Variants in OR1L8 observed in about 807,000 individuals in gnomAD.
OR1L8 encodes the protein olfactory receptor family 1 subfamily L member 8.
For synonymous variants in OR1L8, 148 were observed against 147.0 expected (o/e 1.01, Z -0.05); for missense variants, 330 against 377.4 (o/e 0.87, Z 1.04).
At position 122,567,414 on chromosome 9, in the gene OR1L8, G is replaced by A; in HGVS notation, c.*134C>T. On this transcript the variant is annotated 3_prime_UTR_variant, in exon 5 of 5. Coordinates refer to ENST00000641027, the MANE Select transcript of OR1L8 (RefSeq NM_001004454.2). The stretch of plus-strand genomic sequence containing the variant: ...GTTGGGTCATCATCAATGGATGTAA[G>A]TGCCCACAATAGCCTTGTCTCACAT... The A allele has an allele frequency of 6.5e-6, 4 of 618,034 alleles. No individual in the cohort carries two copies. In the South Asian group the frequency reaches 6.9e-5, roughly 11 times the overall value. The allele number at this position is 618,034 out of a possible 1,614,324, so 38.3% of individuals were successfully genotyped here.
the OR1L8 span, among the ~76,000 whole-genome samples, chr9:122,552,921 C>T: frequency 3.9e-5 from 6 of 152,048 alleles, no homozygotes; most frequent in East Asian, 1.2e-3. Flanking sequence ...TAGCCCATGC[C>T]AATTTCTCTG....
downstream of OR1L8, among the ~76,000 whole-genome samples, chr9:122,563,181 G>GTTTT (rs1394601999): frequency 1.1e-5 from 1 of 90,206 alleles, no homozygotes; most frequent in African/African-American, 4.5e-5. Flanking sequence ...ACTAGCATTT[G>GTTTT]TTATTTTTTT....
At chr9:122,553,046 C>T in the OR1L8 span, 1 of 722,130 alleles carries the variant, frequency 1.4e-6, no homozygotes, top group Non-Finnish European at 2.4e-6. Flanking sequence ...TCCTTGCATT[C>T]CCAGTGAGAT....
chr9:122,554,993 ATAT>A, the OR1L8 span, among the ~76,000 whole-genome samples: 2,930 of 152,278 alleles, frequency 0.019, 87 homozygotes, highest in African/African-American at 0.066. Flanking sequence ...GTGGAAACTG[ATAT>A]TATGAGAAGT....
intron 1 of OR1L8, among the ~76,000 whole-genome samples, chr9:122,579,772 T>C (rs1473020154): frequency 1.3e-5 from 2 of 152,000 alleles, no homozygotes; most frequent in African/African-American, 4.8e-5. Flanking sequence ...AAATTGTCAT[T>C]GATGTTTTAA....
At chr9:122,569,881 C>T (rs1378803271) in intron 4 of OR1L8, among the ~76,000 whole-genome samples, 23 of 151,554 alleles carry the variant, frequency 1.5e-4, no homozygotes, top group African/African-American at 2.4e-5. Context: ...TTCCTGTGTC[C>T]ATGTGTTCTC....
chr9:122,571,647 C>T lies in OR1L8; in HGVS notation c.-213+1133G>A, dbSNP rs537312354. Among the ~76,000 whole-genome samples the T allele has an allele frequency of 4.7e-5, 7 of 150,002 alleles. No individual in the cohort carries two copies. The East Asian group carries it at 5.9e-4, about 13-fold the overall frequency. On this transcript the variant is annotated intron_variant, in intron 4 of 4. Transcript: ENST00000641027. ...AGAAGAATCGCTTGAACCCGGGAGGCGGAGGTTGCAGTGAGCCAAGATTGC... is the reference window on the plus strand; with the variant it reads ...AGAAGAATCGCTTGAACCCGGGAGGTGGAGGTTGCAGTGAGCCAAGATTGC...
At chr9:122,549,255 C>T in the OR1L8 span, among the ~76,000 whole-genome samples, 1 of 152,106 alleles carries the variant, frequency 6.6e-6, no homozygotes, top group Non-Finnish European at 1.5e-5. Context: ...CCTCTCTTGC[C>T]ATATGATATG....
chr9:122,551,870 A>G, the OR1L8 span, among the ~76,000 whole-genome samples: 1 of 152,112 alleles, frequency 6.6e-6, no homozygotes, highest in Non-Finnish European at 1.5e-5. Flanking sequence ...GGTATTTCTA[A>G]TAAACTCTGG....
At chr9:122,571,136 C>G (rs371434227) in intron 4 of OR1L8, among the ~76,000 whole-genome samples, 85 of 152,170 alleles carry the variant, frequency 5.6e-4, no homozygotes, top group African/African-American at 1.9e-3. Context: ...ACTTTCTTGT[C>G]CCATGTTCAG....
At chr9:122,561,960 G>A in the OR1L8 span, among the ~76,000 whole-genome samples, 3 of 152,166 alleles carry the variant, frequency 2.0e-5, no homozygotes, top group Non-Finnish European at 2.9e-5. Context: ...CTGCTGGTCC[G>A]TGGAGACTAT....
downstream of OR1L8, among the ~76,000 whole-genome samples, chr9:122,566,861 C>G (rs1405494992): frequency 1.3e-5 from 2 of 152,088 alleles, no homozygotes; most frequent in African/African-American, 4.8e-5. Context: ...ATGTTTCAAC[C>G]TCCCCTGTGT....
intron 4 of OR1L8, among the ~76,000 whole-genome samples, chr9:122,571,768 G>A (rs2118726529): frequency 6.6e-6 from 1 of 151,972 alleles, no homozygotes; most frequent in East Asian, 1.9e-4. Context: ...TGTGTGTAGG[G>A]TTGTAGTGGT....
chr9:122,576,586 C>A (rs983711240), intron 3 of OR1L8, among the ~76,000 whole-genome samples, 180 bp downstream of exon 3: 2 of 152,014 alleles, frequency 1.3e-5, no homozygotes, highest in Admixed American at 6.6e-5. Context: ...GTTTCCATAT[C>A]TTGGCTATTA....
Position 122,578,448 on chromosome 9 carries a change from CA to C in OR1L8, c.-599-4del, listed in dbSNP as rs59916969. 0.67 allele frequency: 76,549 copies of C among 114,780 alleles called. 23,329 individuals are homozygous for C. The highest frequency in any genetic ancestry group is 0.8 in the East Asian group (3,192 of 4,006). The allele number at this position is 114,780 out of a possible 1,614,324, so 7.1% of individuals were successfully genotyped here. A position where few individuals can be genotyped will look rare whatever the true frequency, so the allele number is the denominator to read the frequency against. On this transcript the variant is annotated splice_region_variant and splice_polypyrimidine_tract_variant and intron_variant, in intron 1 of 4. Transcript: ENST00000641027. The stretch of plus-strand genomic sequence containing the variant: ...TGGGCGACAGTGCAAGACTCCATCT[CA>C]AAAAAAAAAAAAAAAAGACATCATT...
At chr9:122,577,318 G>T (rs895356333) in intron 2 of OR1L8, among the ~76,000 whole-genome samples, 5 of 152,132 alleles carry the variant, frequency 3.3e-5, no homozygotes, top group African/African-American at 1.2e-4. Context: ...TCCTATTATT[G>T]TAGGCAGACT....
the OR1L8 span, chr9:122,553,671 C>G: frequency 1.2e-6 from 2 of 1,614,140 alleles, no homozygotes; most frequent in Non-Finnish European, 1.7e-6. Flanking sequence ...GTGCTGGGTG[C>G]TAACCAACTG....
At chr9:122,547,980 A>G in the OR1L8 span, among the ~76,000 whole-genome samples, 1 of 152,152 alleles carries the variant, frequency 6.6e-6, no homozygotes, top group Non-Finnish European at 1.5e-5. Context: ...TACAATAGCC[A>G]TTCTGACCGG....
the OR1L8 span, chr9:122,553,175 AG>A: frequency 6.3e-7 from 1 of 1,594,800 alleles, no homozygotes. Flanking sequence ...GACACATGGA[AG>A]GTTTTTATCT....
Sources: gnomAD v4.1 joint callset for allele counts (sites outside exome capture counted in the v4.1 genomes callset) on GRCh38, gnomAD v4.1.1 for gene constraint, MANE v1.5 for transcripts, NCBI Gene and HGNC (gene_info 2026-07-23, HGNC 2026-07-21) for gene names.